ATP2C2: variants seen among roughly 807,000 people sequenced by gnomAD.
ATP2C2 encodes the protein ATPase secretory pathway Ca2+ transporting 2.
ATP2C2 carries 171 observed loss-of-function variants against 110.8 expected under a neutral mutation model. The observed-to-expected ratio is 1.54, with a 90% confidence interval of 1.36 to 1.75. ATP2C2 has a LOEUF of 1.75. Among genes scored for constraint, ATP2C2 ranks in the 40% most tolerant of loss-of-function variants. ATP2C2 has a pLI of 0.00. For synonymous variants in ATP2C2, 804 were observed against 508.4 expected (o/e 1.58, Z -7.82); for missense variants, 1,963 against 1,235.0 (o/e 1.59, Z -8.84).
At position 84,441,501 on chromosome 16, in the gene ATP2C2, C is replaced by T. The variant is rs117057110; in HGVS notation, c.1311+543C>T. ...TGTACTCACCCTTTCACAGGGGCTC[C>T]CTCCTCCCCATGTAGCAGGCACCCT... On this transcript the variant is annotated intron_variant, in intron 14 of 26. Transcript: ENST00000262429. Among the ~76,000 whole-genome samples, 32 of 152,288 alleles carry T rather than the reference C, an allele frequency of 2.1e-4. 1 individual carries two copies. The East Asian group carries it at 6.0e-3, about 28-fold the overall frequency.
chr16:84,394,180 C>A (rs983952030), intron 1 of ATP2C2, among the ~76,000 whole-genome samples: 2 of 151,814 alleles, frequency 1.3e-5, no homozygotes, highest in Admixed American at 1.3e-4. Flanking sequence ...CAAGACTCTG[C>A]CTCAAAAACG....
chr16:84,450,298 G>T (rs914132642), intron 17 of ATP2C2, among the ~76,000 whole-genome samples: 2 of 152,200 alleles, frequency 1.3e-5, no homozygotes, highest in African/African-American at 4.8e-5. Flanking sequence ...CTCAGCAGGT[G>T]ACCGTGGACT....
intron 1 of ATP2C2, among the ~76,000 whole-genome samples, chr16:84,397,718 C>T (rs1905083154): frequency 2.1e-5 from 3 of 143,452 alleles, no homozygotes; most frequent in Non-Finnish European, 4.5e-5. Context: ...CAACTAACAA[C>T]TGGAACCCAG....
At chr16:84,385,295 G>T (rs1323096369) in intron 1 of ATP2C2, among the ~76,000 whole-genome samples, 1 of 152,112 alleles carries the variant, frequency 6.6e-6, no homozygotes, top group African/African-American at 2.4e-5. Context: ...GATCTCACGA[G>T]AACTCACATT....
Position 84,460,717 on chromosome 16 carries a change from C to G in ATP2C2, c.2397C>G (p.Thr799=). 1 of 1,614,176 alleles carries G rather than the reference C, an allele frequency of 6.2e-7. No individual in the cohort carries two copies. The highest frequency in any genetic ancestry group is 2.2e-5 in the East Asian group (1 of 44,878). ...FRQPPRSVRD[T]ILSRALILKI... ...AGCCACCACGGAGTGTGCGGGACAC[C>G]ATCCTCAGCAGAGCCCTCATCCTGA... is the stretch of plus-strand genomic sequence containing the variant. The change falls in exon 24 of 27, where the codon ACC becomes ACG. Residue 799 remains threonine, a synonymous_variant. Transcript: ENST00000262429.
chr16:84,406,636 A>C, intron 3 of ATP2C2: 1 of 985,530 alleles, frequency 1.0e-6, no homozygotes, highest in Non-Finnish European at 1.2e-6. Flanking sequence ...TTTGGCAGCA[A>C]AATAGGCTTC....
chr16:84,413,263 A>T (rs1186703168), intron 6 of ATP2C2, among the ~76,000 whole-genome samples: 1 of 152,180 alleles, frequency 6.6e-6, no homozygotes, highest in East Asian at 1.9e-4. Flanking sequence ...TCCCAGGCAC[A>T]TGTTGTGCAA....
chr16:84,449,240 G>T (rs912103943), intron 17 of ATP2C2, among the ~76,000 whole-genome samples: 6 of 152,234 alleles, frequency 3.9e-5, no homozygotes, highest in Non-Finnish European at 5.9e-5. Context: ...TGGCCTTACT[G>T]GCTCAGGAGC....
intron 1 of ATP2C2, among the ~76,000 whole-genome samples, chr16:84,388,363 C>T (rs929925303): frequency 6.6e-6 from 1 of 152,084 alleles, no homozygotes; most frequent in Non-Finnish European, 1.5e-5. Context: ...AACCTTTGAA[C>T]ACATCAGTCA....
chr16:84,439,026 G>T, intron 11 of ATP2C2, 140 bp from the exon 12 acceptor site: 1 of 1,303,488 alleles, frequency 7.7e-7, no homozygotes, highest in Non-Finnish European at 1.1e-6. Flanking sequence ...GTGCACCTTA[G>T]GATTGGGAAT....
intron 9 of ATP2C2, 151 bp from the exon 10 acceptor site, chr16:84,423,037 T>C: frequency 1.5e-6 from 1 of 672,706 alleles, no homozygotes; most frequent in Non-Finnish European, 2.6e-6. Flanking sequence ...TACGCACAGG[T>C]CTTCAGTGCA....
chr16:84,455,219 G>C (rs540059490), intron 21 of ATP2C2, among the ~76,000 whole-genome samples: 7 of 152,120 alleles, frequency 4.6e-5, no homozygotes. Context: ...GCCCCCAGGG[G>C]AATGTTACGG....
chr16:84,390,453 C>T (rs1348496508), intron 1 of ATP2C2, among the ~76,000 whole-genome samples: 2 of 152,184 alleles, frequency 1.3e-5, no homozygotes, highest in East Asian at 3.9e-4. Flanking sequence ...TAGGCCGTTT[C>T]CTTGGGGCTA....
At chr16:84,442,189 A>C (rs908601960) in intron 14 of ATP2C2, among the ~76,000 whole-genome samples, 1 of 152,108 alleles carries the variant, frequency 6.6e-6, no homozygotes, top group Non-Finnish European at 1.5e-5. Context: ...TGCAAACTTC[A>C]CCACTGTCTA....
In ATP2C2 at chr16:84,398,583, A is replaced by G. The variant is rs1905131710; in HGVS notation, c.184A>G (p.Lys62Glu). The change falls in exon 2 of 27, where the codon AAA becomes GAA. Residue 62 changes from lysine (K) to glutamate (E), a missense_variant. Transcript: ENST00000262429. ...LPPKEACKCQ[K>E]EDLARAFCVD... is the part of the protein sequence containing the mutation. ...CCCCAAGGAAGCGTGCAAATGCCAG[A>G]AAGAGGATTTGGCCAGAGCGTTTTG... is the stretch of plus-strand genomic sequence containing the variant. 1.2e-6 allele frequency: 2 copies of G among 1,612,976 alleles called. No individual in the cohort carries two copies. The highest frequency in any genetic ancestry group is 2.2e-5 in the South Asian group (2 of 90,904).
intron 11 of ATP2C2, among the ~76,000 whole-genome samples, chr16:84,437,615 A>C (rs1371046052): frequency 1.3e-5 from 2 of 152,180 alleles, no homozygotes; most frequent in African/African-American, 4.8e-5. Flanking sequence ...TCTCAGGTTC[A>C]AGCAATTCTC....
intron 3 of ATP2C2, among the ~76,000 whole-genome samples, chr16:84,405,682 G>T (rs1051187694): frequency 4.6e-5 from 7 of 152,102 alleles, no homozygotes; most frequent in South Asian, 4.1e-4. Context: ...CACTTTGGGC[G>T]GCTGAAGCGG....
Position 84,446,325 on chromosome 16 carries a change from C to A in ATP2C2, c.1402-4C>A. 6.5e-7 allele frequency: 1 copy of A among 1,535,308 alleles called. No individual in the cohort carries two copies. The highest frequency in any genetic ancestry group is 1.2e-5 in the South Asian group (1 of 83,532). ...ACTAAAAATGTGTCATTTTATTATG[C>A]TAGATGGACTTAAGTGATATTAAAA... On this transcript the variant is annotated splice_region_variant and splice_polypyrimidine_tract_variant and intron_variant, in intron 15 of 26. Coordinates refer to ENST00000262429, the MANE Select transcript of ATP2C2 (RefSeq NM_014861.4).
chr16:84,461,963 C>G, intron 25 of ATP2C2, 25 bp from the exon 26 acceptor site: 1 of 1,611,042 alleles, frequency 6.2e-7, no homozygotes, highest in Middle Eastern at 1.7e-4. Flanking sequence ...AGCACACAAT[C>G]CCCCGTGTGA....
Sources: gnomAD v4.1 joint callset for allele counts (sites outside exome capture counted in the v4.1 genomes callset) on GRCh38, gnomAD v4.1.1 for gene constraint, MANE v1.5 for transcripts, NCBI Gene and HGNC (gene_info 2026-07-23, HGNC 2026-07-21) for gene names.